ZNF92: variants seen among roughly 807,000 people sequenced by gnomAD.
ZNF92 encodes the protein zinc finger protein 92.
A neutral mutation model predicts 12.4 loss-of-function variants in ZNF92; 11 were observed. The ratio of observed to expected loss-of-function variants is 0.89; its 90% confidence interval spans 0.56 to 1.47. ZNF92 has a LOEUF of 1.47. ZNF92 is among the 40% of genes most tolerant of loss of function. ZNF92 has a pLI of 0.00. For synonymous variants in ZNF92, 206 were observed against 228.6 expected (o/e 0.90, Z 0.89); for missense variants, 622 against 681.0 (o/e 0.91, Z 0.96).
intron 3 of ZNF92, among the ~76,000 whole-genome samples, chr7:65,397,793 G>T (rs754928192): frequency 1.3e-5 from 2 of 152,068 alleles, no homozygotes; most frequent in African/African-American, 2.4e-5. Context: ...GTTGCTACAC[G>T]TGTTCGCTGT....
At chr7:65,376,960 T>C (rs1269556095) in intron 1 of ZNF92, among the ~76,000 whole-genome samples, 3 of 152,240 alleles carry the variant, frequency 2.0e-5, no homozygotes, top group East Asian at 3.9e-4. Context: ...TTCTATACCA[T>C]GTTATCTTGA....
intron 3 of ZNF92, 109 bp downstream of exon 3, chr7:65,389,010 A>C: frequency 1.1e-6 from 1 of 936,266 alleles, no homozygotes; most frequent in South Asian, 1.4e-5. Context: ...TCCAGGCTGG[A>C]GTGCAAGGGT....
In ZNF92 at chr7:65,398,807, T is replaced by C. The variant is rs886823106; in HGVS notation, c.693T>C (p.Cys231=). ...IIHTGEKPYK[C]EECGKAFNRS... is the part of the protein sequence containing the mutation. ...ATACTGGAGAAAAACCCTACAAATG[T>C]GAAGAATGTGGCAAAGCTTTTAACC... The change falls in exon 4 of 4, where the codon TGT becomes TGC. Residue 231 remains cysteine (C), a synonymous_variant. Transcript: ENST00000328747. 6.2e-6 allele frequency: 10 copies of C among 1,612,748 alleles called. No homozygotes were observed. The African/African-American group carries it at 1.2e-4, about 19-fold the overall frequency.
intron 3 of ZNF92, among the ~76,000 whole-genome samples, chr7:65,389,444 A>G (rs961018623): frequency 6.6e-6 from 1 of 152,128 alleles, no homozygotes; most frequent in Non-Finnish European, 1.5e-5. Flanking sequence ...GAGACTGCAC[A>G]ATCTGACTAC....
intron 1 of ZNF92, among the ~76,000 whole-genome samples, chr7:65,383,996 G>T (rs1424972690): frequency 1.3e-5 from 2 of 151,996 alleles, no homozygotes; most frequent in African/African-American, 2.4e-5. Flanking sequence ...AAAAAATGGG[G>T]GCTTCATTTG....
chr7:65,390,444 C>G (rs1030945610), intron 3 of ZNF92, among the ~76,000 whole-genome samples: 1 of 152,072 alleles, frequency 6.6e-6, no homozygotes, highest in Non-Finnish European at 1.5e-5. Context: ...TTGTTGGGTT[C>G]CCACGGTGAT....
In ZNF92 at chr7:65,399,705, T is replaced by G; in HGVS notation, c.1591T>G (p.Tyr531Asp). Residue 531 changes from tyrosine (Y) to aspartate (D), a missense_variant, in exon 4 of 4, where the codon TAT becomes GAT. Physicochemically the swap from Tyr to Asp is radical, Grantham distance 160 (BLOSUM62 -3). Coordinates refer to ENST00000328747, the MANE Select transcript of ZNF92 (RefSeq NM_152626.4). The part of the protein sequence containing the change: ...SSNLTARKII[Y>D]TGEKPYKYEE... ...AAACCTTACTGCACGTAAGATAATT[T>G]ATACTGGAGAGAAACCCTACAAATA... 2.5e-6 allele frequency: 4 copies of G among 1,612,492 alleles called. No individual in the cohort carries two copies. Among genetic ancestry groups the G allele is most frequent in the Non-Finnish European group, 3.4e-6 (4 of 1,179,218 alleles).
chr7:65,376,862 A>G (rs1042828255), intron 1 of ZNF92, among the ~76,000 whole-genome samples: 1 of 152,178 alleles, frequency 6.6e-6, no homozygotes, highest in African/African-American at 2.4e-5. Context: ...TAGAAAATGA[A>G]TACATTTCCA....
chr7:65,398,324 A>T lies in ZNF92; in HGVS notation c.227-17A>T. 5 of 1,502,370 alleles carry T rather than the reference A, an allele frequency of 3.3e-6. No homozygotes were observed. The highest frequency in any genetic ancestry group is 4.4e-6 in the Non-Finnish European group (5 of 1,127,656). 93.1% of individuals were successfully genotyped at this position (1,502,370 alleles called of 1,614,324 possible). A position where few individuals can be genotyped will look rare whatever the true frequency, so the allele number is the denominator to read the frequency against. ...AGTCTAGTAAGTGAAGTAACTTGTT[A>T]TTTTTATTTTTTTCAGTTATGTGTT... On this transcript the variant is annotated splice_polypyrimidine_tract_variant and intron_variant, in intron 3 of 3. Transcript: ENST00000328747.
chr7:65,400,633 A>C lies in ZNF92; in HGVS notation c.*758A>C, dbSNP rs761715947. 1 of 151,996 alleles carries C rather than the reference A, an allele frequency of 6.6e-6. No individual in the cohort carries two copies. Among genetic ancestry groups the C allele is most frequent in the African/African-American group, 2.4e-5 (1 of 41,414 alleles). The allele number at this position is 151,996 out of a possible 1,614,324, so 9.4% of individuals were successfully genotyped here. A position where few individuals can be genotyped will look rare whatever the true frequency, so the allele number is the denominator to read the frequency against. On this transcript the variant is annotated 3_prime_UTR_variant, in exon 4 of 4. Transcript: ENST00000328747. ...CAAAACTAAAATTGTTAGGTAAGTT[A>C]TTTATATATAACTTTAAAAGAAGTA...
intron 1 of ZNF92, among the ~76,000 whole-genome samples, chr7:65,376,326 T>C (rs1300811942): frequency 6.6e-6 from 1 of 152,138 alleles, no homozygotes; most frequent in Non-Finnish European, 1.5e-5. Flanking sequence ...AAGACATATT[T>C]ACAAAGGGCA....
chr7:65,373,862 G>T lies in ZNF92; in HGVS notation c.-136G>T. Reference sequence around the variant, plus strand: ...GGATTTGGCGGGGCCTTTGTCTCTCGCTGCAGCCGGCGCTCCACGTCTAGT... The same window carrying T: ...GGATTTGGCGGGGCCTTTGTCTCTCTCTGCAGCCGGCGCTCCACGTCTAGT... On this transcript the variant is annotated 5_prime_UTR_variant, in exon 1 of 4. Transcript: ENST00000328747. 1 of 1,244,960 alleles carries T rather than the reference G, an allele frequency of 8.0e-7. No homozygotes were observed. The highest frequency in any genetic ancestry group is 1.2e-5 in the South Asian group (1 of 82,110). 77.1% of individuals were successfully genotyped at this position (1,244,960 alleles called of 1,614,324 possible). A position where few individuals can be genotyped will look rare whatever the true frequency, so the allele number is the denominator to read the frequency against.
At chr7:65,377,031 A>AT (rs1370991921) in intron 1 of ZNF92, among the ~76,000 whole-genome samples, 1 of 152,126 alleles carries the variant, frequency 6.6e-6, no homozygotes, top group Non-Finnish European at 1.5e-5. Flanking sequence ...AAGTGTTCCC[A>AT]TATGACTACG....
chr7:65,378,694 A>G (rs1270742521), intron 1 of ZNF92, among the ~76,000 whole-genome samples: 2 of 151,180 alleles, frequency 1.3e-5, no homozygotes, highest in African/African-American at 4.9e-5. Flanking sequence ...GTGAGCCGAG[A>G]TCGTGCCACT....
intron 2 of ZNF92, chr7:65,388,386 C>T: frequency 5.2e-6 from 1 of 192,110 alleles, no homozygotes; most frequent in Non-Finnish European, 1.0e-5. Flanking sequence ...TGCCTGTAAT[C>T]CCAGCACTTT....
At position 65,398,476 on chromosome 7, in the gene ZNF92, A is replaced by T; in HGVS notation, c.362A>T (p.Asp121Val). ...LQLRKDHKSVDACKVYKGGYN... is the reference protein window; with the variant it reads ...LQLRKDHKSVVACKVYKGGYN... ...CTAAGAAAAGACCATAAAAGTGTGG[A>T]TGCATGTAAGGTGTACAAAGGAGGT... Residue 121 changes from aspartate (D) to valine (V), a missense_variant, in exon 4 of 4, where the codon GAT (aspartate) becomes GTT (valine). By Grantham distance (152) the Asp-to-Val change is radical. Coordinates refer to ENST00000328747, the MANE Select transcript of ZNF92 (RefSeq NM_152626.4). 3 of 1,613,364 alleles carry T rather than the reference A, an allele frequency of 1.9e-6. No individual in the cohort carries two copies. Among genetic ancestry groups the T allele is most frequent in the Non-Finnish European group, 2.5e-6 (3 of 1,179,718 alleles).
Position 65,398,327 on chromosome 7 carries a change from T to C in ZNF92, c.227-14T>C. ...CTAGTAAGTGAAGTAACTTGTTATT[T>C]TTATTTTTTTCAGTTATGTGTTCTC... On this transcript the variant is annotated splice_polypyrimidine_tract_variant and intron_variant, in intron 3 of 3. Coordinates refer to ENST00000328747, the MANE Select transcript of ZNF92 (RefSeq NM_152626.4). 1 of 1,505,156 alleles carries C rather than the reference T, an allele frequency of 6.6e-7. No homozygotes were observed. The highest frequency in any genetic ancestry group is 8.9e-7 in the Non-Finnish European group (1 of 1,129,490). 93.2% of individuals were successfully genotyped at this position (1,505,156 alleles called of 1,614,324 possible). A position where few individuals can be genotyped will look rare whatever the true frequency, so the allele number is the denominator to read the frequency against.
chr7:65,397,950 C>T (rs1051559943), intron 3 of ZNF92, among the ~76,000 whole-genome samples: 2 of 138,248 alleles, frequency 1.4e-5, no homozygotes, highest in African/African-American at 5.3e-5. Flanking sequence ...CCCCTAGAGG[C>T]CAAAAATAAA....
At position 65,388,909 on chromosome 7, in the gene ZNF92, A is replaced by G; in HGVS notation, c.226+8A>G. ...TGGTAGACAAAACCCCAGGTAGGTG[A>G]CAGTTAATACAACAGACAACACAAA... On this transcript the variant is annotated splice_region_variant and intron_variant, in intron 3 of 3. Coordinates refer to ENST00000328747, the MANE Select transcript of ZNF92 (RefSeq NM_152626.4). 6.4e-7 allele frequency: 1 copy of G among 1,566,400 alleles called. No individual in the cohort carries two copies. The highest frequency in any genetic ancestry group is 8.7e-7 in the Non-Finnish European group (1 of 1,151,464).
Sources: gnomAD v4.1 joint callset for allele counts (sites outside exome capture counted in the v4.1 genomes callset) on GRCh38, gnomAD v4.1.1 for gene constraint, MANE v1.5 for transcripts, NCBI Gene and HGNC (gene_info 2026-07-23, HGNC 2026-07-21) for gene names.